COL4A1: variants seen among roughly 807,000 people sequenced by gnomAD.
The protein encoded by COL4A1 is collagen type IV alpha 1 chain.
COL4A1 carries 40 observed loss-of-function variants against 216.6 expected under a neutral mutation model. That is an observed-to-expected ratio of 0.18 (90% confidence interval 0.14 to 0.24). COL4A1 has a LOEUF of 0.24. COL4A1 is among the 10% of genes least tolerant of loss of function. The pLI is 1.00. For synonymous variants in COL4A1, 839 were observed against 810.7 expected (o/e 1.03, Z -0.59); for missense variants, 1,628 against 2,196.8 (o/e 0.74, Z 5.18).
intron 23 of COL4A1, 43 bp from the exon 24 acceptor site, chr13:110,192,327 T>G (rs767331625): frequency 6.4e-7 from 1 of 1,571,012 alleles, no homozygotes; most frequent in Admixed American, 1.7e-5. Flanking sequence ...ACAGCATTCA[T>G]GAGACACTTC....
At chr13:110,255,420 A>G (rs1347532055) in intron 1 of COL4A1, among the ~76,000 whole-genome samples, 1 of 149,792 alleles carries the variant, frequency 6.7e-6, no homozygotes, top group Non-Finnish European at 1.5e-5. Context: ...AGAAGGCGGG[A>G]GAAGAGTGCA....
chr13:110,176,815 G>A, intron 34 of COL4A1, 70 bp downstream of exon 34: 3 of 1,613,930 alleles, frequency 1.9e-6, no homozygotes, highest in African/African-American at 2.7e-5. Context: ...ATTATTTATG[G>A]AGGACCCGAT....
At chr13:110,283,560 A>G (rs1883722912) in intron 1 of COL4A1, among the ~76,000 whole-genome samples, 1 of 152,238 alleles carries the variant, frequency 6.6e-6, no homozygotes. Flanking sequence ...GTGTATACAG[A>G]CATCTGCATA....
chr13:110,157,011 A>C (rs1876817430), intron 49 of COL4A1, among the ~76,000 whole-genome samples: 1 of 152,212 alleles, frequency 6.6e-6, no homozygotes. Context: ...TTTGCTAGAC[A>C]CGAGACCTAG....
chr13:110,187,162 A>G lies in COL4A1; in HGVS notation c.1704T>C (p.Gly568=). ...AGSPGRDGHP[G]LPGPKGSPGS... is the part of the protein sequence containing the mutation. The stretch of plus-strand genomic sequence containing the variant: ...CCGGCGAGCCCTTGGGGCCAGGAAG[A>G]CCCGGATGGCCATCTCTTCCAGGAG... The change falls in exon 25 of 52, where the codon GGT becomes GGC. Residue 568 remains glycine (G), a synonymous_variant. Coordinates refer to ENST00000375820, the MANE Select transcript of COL4A1 (RefSeq NM_001845.6). 1 of 1,613,980 alleles carries G rather than the reference A, an allele frequency of 6.2e-7. No homozygotes were observed. The highest frequency in any genetic ancestry group is 8.5e-7 in the Non-Finnish European group (1 of 1,179,916).
chr13:110,242,859 A>G, intron 1 of COL4A1, 125 bp from the exon 2 acceptor site: 1 of 1,033,364 alleles, frequency 9.7e-7, no homozygotes, highest in Admixed American at 1.7e-5. Context: ...CTTCGGACAC[A>G]ATCTTATCTG....
intron 43 of COL4A1, among the ~76,000 whole-genome samples, chr13:110,168,428 A>C (rs1193931629): frequency 6.6e-6 from 1 of 152,252 alleles, no homozygotes. Flanking sequence ...ATAGGGGCCC[A>C]AAAATACATT....
At chr13:110,166,986 G>C (rs919684054) in intron 44 of COL4A1, among the ~76,000 whole-genome samples, 172 bp downstream of exon 44, 2 of 152,214 alleles carry the variant, frequency 1.3e-5, no homozygotes, top group African/African-American at 4.8e-5. Context: ...GCATCCATAA[G>C]ATTATACAAA....
intron 21 of COL4A1, among the ~76,000 whole-genome samples, chr13:110,195,366 A>G (rs1037127972): frequency 6.6e-6 from 1 of 152,236 alleles, no homozygotes; most frequent in African/African-American, 2.4e-5. Flanking sequence ...ATTCTGAAGT[A>G]TCTGTAGGTG....
chr13:110,249,111 C>A (rs1265208105), intron 1 of COL4A1, among the ~76,000 whole-genome samples: 1 of 151,942 alleles, frequency 6.6e-6, no homozygotes, highest in African/African-American at 2.4e-5. Context: ...CTGTATGATC[C>A]CATCATATGA....
intron 2 of COL4A1, among the ~76,000 whole-genome samples, chr13:110,224,809 G>A (rs776596362): frequency 2.2e-4 from 34 of 152,146 alleles, no homozygotes; most frequent in African/African-American, 4.1e-4. Context: ...GTGGGGCAGC[G>A]TTGTGGAACA....
intron 46 of COL4A1, 97 bp downstream of exon 46, chr13:110,164,765 A>C (rs543153991): frequency 6.6e-7 from 1 of 1,520,630 alleles, no homozygotes; most frequent in East Asian, 2.4e-5. Context: ...TATAATCATT[A>C]CCCAGAAACT....
intron 21 of COL4A1, 48 bp downstream of exon 21, chr13:110,198,419 C>A: frequency 6.2e-7 from 1 of 1,610,766 alleles, no homozygotes; most frequent in South Asian, 1.1e-5. Context: ...GCCCGGCACC[C>A]TGGTGTCTGC....
chr13:110,209,587 G>A (rs1307117120), intron 10 of COL4A1, among the ~76,000 whole-genome samples, 160 bp from the exon 11 acceptor site: 2 of 152,164 alleles, frequency 1.3e-5, no homozygotes, highest in East Asian at 1.9e-4. Flanking sequence ...CCTAGCAGGT[G>A]CAGGACCCTC....
chr13:110,233,242 C>G (rs540291859), intron 2 of COL4A1, among the ~76,000 whole-genome samples: 1 of 152,066 alleles, frequency 6.6e-6, no homozygotes, highest in Non-Finnish European at 1.5e-5. Context: ...TGGATTCTCA[C>G]GATTCCTCTG....
intron 1 of COL4A1, among the ~76,000 whole-genome samples, chr13:110,254,723 G>C (rs1232220404): frequency 6.6e-6 from 1 of 152,060 alleles, no homozygotes; most frequent in African/African-American, 2.4e-5. Flanking sequence ...ATCTCTTCCA[G>C]TGGAGATTTG....
chr13:110,221,690 A>G (rs938298387), intron 2 of COL4A1, among the ~76,000 whole-genome samples: 3 of 152,208 alleles, frequency 2.0e-5, no homozygotes, highest in African/African-American at 7.2e-5. Context: ...TATTATCTTC[A>G]AGAGTTTTTT....
intron 49 of COL4A1, among the ~76,000 whole-genome samples, chr13:110,156,334 C>T (rs631428): frequency 0.87 from 132,398 of 152,312 alleles, 57,596 homozygotes; most frequent in East Asian, 0.95. Context: ...TTTGAAGCTA[C>T]TAATAATCTT....
At chr13:110,220,611 T>A (rs1202367747) in intron 2 of COL4A1, among the ~76,000 whole-genome samples, 1 of 152,224 alleles carries the variant, frequency 6.6e-6, no homozygotes, top group Admixed American at 6.5e-5. Flanking sequence ...ACTTCGGGAC[T>A]TGTCCTGCCT....
Sources: gnomAD v4.1 joint callset for allele counts (sites outside exome capture counted in the v4.1 genomes callset) on GRCh38, gnomAD v4.1.1 for gene constraint, MANE v1.5 for transcripts, NCBI Gene and HGNC (gene_info 2026-07-23, HGNC 2026-07-21) for gene names.